FMN2: variants seen among roughly 807,000 people sequenced by gnomAD.
The protein encoded by FMN2 is formin 2.
FMN2 carries 51 observed loss-of-function variants against 142.3 expected under a neutral mutation model. That is an observed-to-expected ratio of 0.36 (90% CI 0.29 to 0.45). The LOEUF (loss-of-function observed/expected upper bound fraction) is 0.45. FMN2 is among the 20% of genes least tolerant of loss of function. The probability of loss-of-function intolerance (pLI) is 1.00; values close to 1 mark genes in which losing one functional copy is unlikely to be tolerated. For missense variants in FMN2, 1,936 were observed against 2,122.8 expected (o/e 0.91, Z 1.73); for synonymous variants, 882 against 869.8 (o/e 1.01, Z -0.25).
chr1:240,189,398 G>A (rs1665615275), intron 4 of FMN2, among the ~76,000 whole-genome samples: 1 of 152,158 alleles, frequency 6.6e-6, no homozygotes, highest in Admixed American at 6.5e-5. Context: ...TTTACACCCG[G>A]ATCTATTTCT....
At chr1:240,339,438 A>G (rs1025353559) in intron 13 of FMN2, among the ~76,000 whole-genome samples, 11 of 152,120 alleles carry the variant, frequency 7.2e-5, no homozygotes, top group Non-Finnish European at 8.8e-5. Flanking sequence ...TTTCAGTACC[A>G]TCTGCTGCTC....
intron 2 of FMN2, chr1:240,142,841 A>G: frequency 6.3e-7 from 1 of 1,587,172 alleles, no homozygotes; most frequent in East Asian, 2.2e-5. Context: ...GGCCCACCAC[A>G]TCCACTGCCT....
At chr1:240,455,246 C>T (rs943283839) in intron 16 of FMN2, among the ~76,000 whole-genome samples, 4 of 147,448 alleles carry the variant, frequency 2.7e-5, no homozygotes, top group Non-Finnish European at 6.0e-5. Flanking sequence ...TTATTAAAAG[C>T]GAGTTTCGGC....
In FMN2 at chr1:240,230,945, A is replaced by G. The variant is rs1045601826; in HGVS notation, c.4065+19710A>G. 2.3e-5 allele frequency among the ~76,000 whole-genome samples: 3 copies of G among 131,992 alleles called. 1 individual carries two copies. Among genetic ancestry groups the G allele is most frequent in the African/African-American group, 9.7e-5 (3 of 30,918 alleles). The allele number at this position is 131,992 out of a possible 152,430, so 86.6% of individuals were successfully genotyped here. On this transcript the variant is annotated intron_variant, in intron 6 of 17. Transcript: ENST00000319653. ...CTTTTCTTCAATGGCCTAGATCGGC[A>G]CAAGGCTCCATAGAAATTGGCTTTG... is the stretch of plus-strand genomic sequence containing the variant.
At chr1:240,455,420 A>G (rs541842995) in intron 16 of FMN2, among the ~76,000 whole-genome samples, 147 of 152,232 alleles carry the variant, frequency 9.7e-4, no homozygotes, top group African/African-American at 3.5e-3. Flanking sequence ...GAGGCACACT[A>G]CAATTGAGAT....
intron 16 of FMN2, among the ~76,000 whole-genome samples, chr1:240,470,873 A>G (rs534427260): frequency 1.3e-5 from 2 of 152,046 alleles, no homozygotes; most frequent in South Asian, 2.1e-4. Context: ...ATTTCTTACT[A>G]TTTGTTTAAT....
At chr1:240,447,469 T>C (rs1675865429) in intron 16 of FMN2, among the ~76,000 whole-genome samples, 1 of 152,092 alleles carries the variant, frequency 6.6e-6, no homozygotes, top group East Asian at 1.9e-4. Context: ...CTCAGGGAAA[T>C]GCAAATCAAA....
At chr1:240,183,445 T>TATATA (rs770311616) in intron 3 of FMN2, among the ~76,000 whole-genome samples, 1 of 148,136 alleles carries the variant, frequency 6.8e-6, no homozygotes, top group Admixed American at 6.8e-5. Flanking sequence ...AGGTTATGAT[T>TATATA]ATATAATATA....
chr1:240,431,764 C>T (rs1391813232), intron 15 of FMN2, among the ~76,000 whole-genome samples: 1 of 151,480 alleles, frequency 6.6e-6, no homozygotes, highest in African/African-American at 2.4e-5. Flanking sequence ...TGGCAAATTA[C>T]ACTGATTGCT....
intron 3 of FMN2, among the ~76,000 whole-genome samples, chr1:240,183,704 A>G (rs1475461349): frequency 3.3e-5 from 5 of 151,936 alleles, no homozygotes; most frequent in Non-Finnish European, 7.4e-5. Context: ...TAAGCAGATC[A>G]TGGAATTGGC....
At chr1:240,453,563 C>A (rs1432963406) in intron 16 of FMN2, among the ~76,000 whole-genome samples, 1 of 152,002 alleles carries the variant, frequency 6.6e-6, no homozygotes, top group African/African-American at 2.4e-5. Flanking sequence ...ATAAATGAGC[C>A]CAGTGTTTTT....
chr1:240,387,201 G>A (rs1273156455), intron 14 of FMN2, among the ~76,000 whole-genome samples: 1 of 152,132 alleles, frequency 6.6e-6, no homozygotes, highest in Non-Finnish European at 1.5e-5. Context: ...TGTCAGTAGA[G>A]AATTGATTGC....
In FMN2 at chr1:240,092,723, TGCA is replaced by T. The variant is rs565189382; in HGVS notation, c.635_637del (p.Gln212del). 85 of 1,611,750 alleles carry T rather than the reference TGCA, an allele frequency of 5.3e-5. No individual in the cohort carries two copies. Among genetic ancestry groups the T allele is most frequent in the Admixed American group, 2.5e-4 (15 of 59,888 alleles). On this transcript the variant is annotated inframe_deletion, in exon 1 of 18. Transcript: ENST00000319653. ...TCAGACATCCAGCAGGCGATCCGCC[TGCA>T]GCAGCAGCAGCAGCAGCAGCTCCAG...
At chr1:240,273,865 A>G (rs1669104185) in intron 7 of FMN2, among the ~76,000 whole-genome samples, 1 of 152,106 alleles carries the variant, frequency 6.6e-6, no homozygotes, top group Admixed American at 6.6e-5. Context: ...AGAGAGATAA[A>G]GAGAATGCAT....
chr1:240,237,851 A>G (rs982566763), intron 6 of FMN2, among the ~76,000 whole-genome samples: 2 of 152,190 alleles, frequency 1.3e-5, no homozygotes, highest in Admixed American at 1.3e-4. Context: ...TTCTTTGCCT[A>G]CTTGCTGCCT....
At chr1:240,112,202 G>A (rs569801411) in intron 1 of FMN2, among the ~76,000 whole-genome samples, 1 of 151,124 alleles carries the variant, frequency 6.6e-6, no homozygotes, top group East Asian at 1.9e-4. Context: ...TGTGATCTCG[G>A]CTCACTGCAA....
At chr1:240,104,227 AT>A (rs1661523415) in intron 1 of FMN2, among the ~76,000 whole-genome samples, 1 of 149,784 alleles carries the variant, frequency 6.7e-6, no homozygotes, top group South Asian at 2.1e-4. Flanking sequence ...TATAATAGAC[AT>A]TATATATATT....
chr1:240,376,830 C>T (rs909282677), intron 14 of FMN2, among the ~76,000 whole-genome samples: 1 of 152,094 alleles, frequency 6.6e-6, no homozygotes, highest in Admixed American at 6.6e-5. Context: ...ATATGTTATA[C>T]ATCTTTGTTT....
Position 240,367,577 on chromosome 1 carries a change from G to A in FMN2, c.4858+11669G>A, listed in dbSNP as rs565786345. Among the ~76,000 whole-genome samples the A allele has an allele frequency of 9.9e-5, 15 of 151,846 alleles. No individual in the cohort carries two copies. The East Asian group carries it at 2.9e-3, about 30-fold the overall frequency. ...AGGTCAGGAGATCGAGACCATCCTG[G>A]CTAACACGGTGAAACCCCATCTCTA... On this transcript the variant is annotated intron_variant, in intron 14 of 17. Transcript: ENST00000319653.
Sources: gnomAD v4.1 joint callset for allele counts (sites outside exome capture counted in the v4.1 genomes callset) on GRCh38, gnomAD v4.1.1 for gene constraint, MANE v1.5 for transcripts, NCBI Gene and HGNC (gene_info 2026-07-23, HGNC 2026-07-21) for gene names.